The following PIK3CG variants were observed in gnomAD, a reference collection of about 807,000 sequenced individuals.
PIK3CG encodes the protein phosphatidylinositol 4,5-bisphosphate 3-kinase catalytic subunit gamma isoform.
PIK3CG carries 55 observed loss-of-function variants against 102.3 expected under a neutral mutation model. The observed-to-expected ratio is 0.54, with a 90% confidence interval of 0.43 to 0.67. PIK3CG has a LOEUF of 0.67. Among genes scored for constraint, PIK3CG ranks in the 30% least tolerant of loss-of-function variants. The pLI is 0.00. For synonymous variants in PIK3CG, 552 were observed against 540.0 expected (o/e 1.02, Z -0.31); for missense variants, 1,258 against 1,391.8 (o/e 0.90, Z 1.53).
rs183811155 is a variant in PIK3CG, at chr7:106,903,154, T to G, written c.3031-1955T>G. On this transcript the variant is annotated intron_variant, in intron 10 of 10. Coordinates refer to ENST00000496166, the MANE Select transcript of PIK3CG (RefSeq NM_001282426.2). This position sits in a 1 kb window ranked among gnomAD's most constrained non-coding sequence, Gnocchi z 4.3. ...CCCTTCTGTTCCACAAAATTCCTTGTCTTTTTGGGAGAAGACTACTTACTG... is the reference window on the plus strand; with the variant it reads ...CCCTTCTGTTCCACAAAATTCCTTGGCTTTTTGGGAGAAGACTACTTACTG... Among the ~76,000 whole-genome samples the G allele has an allele frequency of 6.6e-6, 1 of 152,294 alleles. No homozygotes were observed. The highest frequency in any genetic ancestry group is 6.5e-5 in the Admixed American group (1 of 15,298).
rs1791031078 is a variant in PIK3CG, at chr7:106,884,560, T to C, written c.2872+294T>C. 6.6e-6 allele frequency among the ~76,000 whole-genome samples: 1 copy of C among 152,054 alleles called. No individual in the cohort carries two copies. The highest frequency in any genetic ancestry group is 2.1e-4 in the South Asian group (1 of 4,826). ...TTTAGAAGTCATTGTGTAGGGACAC[T>C]GGTGCTTCAGTTACTCTAGAGCAGT... On this transcript the variant is annotated intron_variant, in intron 9 of 10. Coordinates refer to ENST00000496166, the MANE Select transcript of PIK3CG (RefSeq NM_001282426.2). The surrounding 1 kb of genome is among the most constrained non-coding windows in gnomAD (Gnocchi z 4.2).
intron 5 of PIK3CG, among the ~76,000 whole-genome samples, chr7:106,875,909 GT>G (rs559463107): frequency 2.4e-4 from 30 of 123,084 alleles, no homozygotes; most frequent in South Asian, 5.6e-4. Context: ...TTTTTTTTTT[GT>G]TTTTTTTTTT....
intron 10 of PIK3CG, among the ~76,000 whole-genome samples, chr7:106,901,929 A>G (rs886679745): frequency 9.2e-5 from 14 of 152,134 alleles, no homozygotes; most frequent in Non-Finnish European, 1.2e-4. Context: ...TGGCTCCCCC[A>G]TGTTAACTCC....
rs2116545129 is a variant in PIK3CG at position 106,883,110 on chromosome 7, A to G, written c.2707A>G (p.Lys903Glu). 6.2e-7 allele frequency: 1 copy of G among 1,614,142 alleles called. No individual in the cohort carries two copies. Among genetic ancestry groups the G allele is most frequent in the Non-Finnish European group, 8.5e-7 (1 of 1,179,990 alleles). ...QSTVGNTGAF[K>E]DEVLNHWLKE... ...CACAGTGGGCAACACGGGAGCATTT[A>G]AAGATGAAGTCCTGAATCACTGGCT... Residue 903 changes from lysine (K) to glutamate (E), a missense_variant, in exon 8 of 11, where the codon AAA (lysine) becomes GAA (glutamate). Around this residue, in one of 2 missense-constraint regions of PIK3CG, gnomAD observed 426 missense variants for 604.2 expected, o/e 0.71. Coordinates refer to ENST00000496166, the MANE Select transcript of PIK3CG (RefSeq NM_001282426.2). The surrounding 1 kb of genome is among the most constrained non-coding windows in gnomAD (Gnocchi z 5.8).
chr7:106,867,257 T>C lies in PIK3CG; in HGVS notation c.-12-293T>C, dbSNP rs550499444. ...CCCATATTGAACAAGTATTACTTTA[T>C]TTAACTCTCCCTCTGGGGCATTCAT... is the stretch of plus-strand genomic sequence containing the variant. On this transcript the variant is annotated intron_variant, in intron 1 of 10. Transcript: ENST00000496166. The surrounding 1 kb of genome is among the most constrained non-coding windows in gnomAD (Gnocchi z 5.1). Among the ~76,000 whole-genome samples the C allele has an allele frequency of 1.1e-3, 169 of 152,280 alleles. 1 individual carries two copies. Among genetic ancestry groups the C allele is most frequent in the Middle Eastern group, 3.4e-3 (1 of 294 alleles).
Position 106,868,057 on chromosome 7 carries a change from AG to A in PIK3CG, c.497del (p.Ser166ThrfsTer16). On this transcript the variant is annotated frameshift_variant, in exon 2 of 11. Coordinates refer to ENST00000496166, the MANE Select transcript of PIK3CG (RefSeq NM_001282426.2). LOFTEE classifies it high-confidence loss of function. The surrounding 1 kb of genome is among the most constrained non-coding windows in gnomAD (Gnocchi z 6.2). Reference sequence around the variant, plus strand: ...GATTGGCTATGACGTCACTGACGTCAGCAACGTGCACGACGATGAGCTGGAG... The same window carrying A: ...GATTGGCTATGACGTCACTGACGTCACAACGTGCACGACGATGAGCTGGAG... ...ALIGYDVTDV[S>X]NVHDDELEFT... The A allele has an allele frequency of 6.2e-7, 1 of 1,612,948 alleles. No homozygotes were observed. The highest frequency in any genetic ancestry group is 8.5e-7 in the Non-Finnish European group (1 of 1,179,358).
At position 106,872,575 on chromosome 7, in the gene PIK3CG, C is replaced by T. The variant is rs1790570601; in HGVS notation, c.2034C>T (p.Ala678=). 1 of 1,613,950 alleles carries T rather than the reference C, an allele frequency of 6.2e-7. No homozygotes were observed. The change falls in exon 3 of 11, where the codon GCC becomes GCT. Residue 678 remains alanine (A), a synonymous_variant. Coordinates refer to ENST00000496166, the MANE Select transcript of PIK3CG (RefSeq NM_001282426.2). The surrounding 1 kb of genome is among the most constrained non-coding windows in gnomAD (Gnocchi z 5.3). ...AACCATACCATGATAGCGCCCTTGC[C>T]AGATTTCTGCTGAAGCGTGGTTTAA... ...KFEPYHDSAL[A]RFLLKRGLRN...
Position 106,883,812 on chromosome 7 carries a change from C to T in PIK3CG, c.2761-343C>T, listed in dbSNP as rs187019998. 2.1e-3 allele frequency among the ~76,000 whole-genome samples: 321 copies of T among 152,244 alleles called. 1 individual carries two copies. Among genetic ancestry groups the T allele is most frequent in the Non-Finnish European group, 2.0e-3 (136 of 68,014 alleles). On this transcript the variant is annotated intron_variant, in intron 8 of 10. Coordinates refer to ENST00000496166, the MANE Select transcript of PIK3CG (RefSeq NM_001282426.2). This position sits in a 1 kb window ranked among gnomAD's most constrained non-coding sequence, Gnocchi z 5.8. The stretch of plus-strand genomic sequence containing the variant: ...AACCCAAGCATACTCTTAGTGGTCA[C>T]AAGCAAAACATGTTCACAAATGAAG...
rs370034420 is a variant in PIK3CG at position 106,879,582 on chromosome 7, G to T, written c.2455G>T (p.Asp819Tyr). The T allele has an allele frequency of 6.2e-7, 1 of 1,612,518 alleles. No homozygotes were observed. Among genetic ancestry groups the T allele is most frequent in the Non-Finnish European group, 8.5e-7 (1 of 1,178,628 alleles). ...KPLWLEFKCA[D>Y]PTALSNETIG... Reference sequence around the variant, plus strand: ...ACTATGGCTTGAGTTTAAATGTGCCGATCCTACAGCCCTATCAAATGAAAC... The same window carrying T: ...ACTATGGCTTGAGTTTAAATGTGCCTATCCTACAGCCCTATCAAATGAAAC... The change falls in exon 6 of 11, where the codon GAT becomes TAT. Residue 819 changes from aspartate (D) to tyrosine (Y), a missense_variant. This residue lies in a region of PIK3CG where 426 missense variants were observed against 604.2 expected (regional missense o/e 0.71). Transcript: ENST00000496166. The surrounding 1 kb of genome is among the most constrained non-coding windows in gnomAD (Gnocchi z 4.9).
At chr7:106,882,601 A>G (rs906895967) in intron 7 of PIK3CG, 2 of 174,918 alleles carry the variant, frequency 1.1e-5, no homozygotes, top group Non-Finnish European at 2.4e-5. Context: ...ACACTCTACT[A>G]TCAGGTATTT....
At position 106,895,469 on chromosome 7, in the gene PIK3CG, G is replaced by A. The variant is rs1791383886; in HGVS notation, c.3030+9177G>A. Among the ~76,000 whole-genome samples, 2 of 152,196 alleles carry A rather than the reference G, an allele frequency of 1.3e-5. No individual in the cohort carries two copies. Among genetic ancestry groups the A allele is most frequent in the Admixed American group, 1.3e-4 (2 of 15,274 alleles). On this transcript the variant is annotated intron_variant, in intron 10 of 10. Coordinates refer to ENST00000496166, the MANE Select transcript of PIK3CG (RefSeq NM_001282426.2). The surrounding 1 kb of genome is among the most constrained non-coding windows in gnomAD (Gnocchi z 5.4). ...GACTGAGCGGGCAGGGCAGGTGCTC[G>A]GCTGTGCCCCCCAGGGTGAGAGAAC...
In PIK3CG at chr7:106,906,362, G is replaced by T. The variant is rs945741714; in HGVS notation, c.*975G>T. The T allele has an allele frequency of 1.8e-5, 4 of 228,090 alleles. No individual in the cohort carries two copies. Among genetic ancestry groups the T allele is most frequent in the African/African-American group, 8.9e-5 (4 of 44,952 alleles). The allele number at this position is 228,090 out of a possible 1,614,324, so 14.1% of individuals were successfully genotyped here. ...AGATGTTTAGTGACTTTTTTTTCAA[G>T]TATCTTATTAAAGGAGGCATTCTAG... On this transcript the variant is annotated 3_prime_UTR_variant, in exon 11 of 11. Coordinates refer to ENST00000496166, the MANE Select transcript of PIK3CG (RefSeq NM_001282426.2).
chr7:106,876,094 T>G (rs1790726874), intron 5 of PIK3CG, among the ~76,000 whole-genome samples: 2 of 150,450 alleles, frequency 1.3e-5, no homozygotes, highest in Non-Finnish European at 1.5e-5. Context: ...TTTTGTATTT[T>G]TAGTAGAGAC....
In PIK3CG at chr7:106,868,949, A is replaced by G. The variant is rs767370252; in HGVS notation, c.1388A>G (p.Tyr463Cys). ...AAGGGCAAAGTTCAGCTTCTCTATT[A>G]TGTGAACCTGCTGCTGATAGACCAC... ...ESKGKVQLLY[Y>C]VNLLLIDHRF... Residue 463 changes from tyrosine (Y) to cysteine (C), a missense_variant, in exon 2 of 11, where the codon TAT (tyrosine) becomes TGT (cysteine). By Grantham distance (194) the Tyr-to-Cys change is radical. Around this residue, in one of 2 missense-constraint regions of PIK3CG, gnomAD observed 832 missense variants for 787.5 expected, o/e 1.06. Transcript: ENST00000496166. This position sits in a 1 kb window ranked among gnomAD's most constrained non-coding sequence, Gnocchi z 6.2. 6.2e-7 allele frequency: 1 copy of G among 1,614,146 alleles called. No individual in the cohort carries two copies. The highest frequency in any genetic ancestry group is 8.5e-7 in the Non-Finnish European group (1 of 1,180,016).
Position 106,907,091 on chromosome 7 carries a change from A to G in PIK3CG, c.*1704A>G, listed in dbSNP as rs575727394. 2.0e-5 allele frequency: 4 copies of G among 195,778 alleles called. No homozygotes were observed. The South Asian group carries it at 7.7e-4, about 38-fold the overall frequency. 12.1% of individuals were successfully genotyped at this position (195,778 alleles called of 1,614,324 possible). A position where few individuals can be genotyped will look rare whatever the true frequency, so the allele number is the denominator to read the frequency against. On this transcript the variant is annotated 3_prime_UTR_variant, in exon 11 of 11. Coordinates refer to ENST00000496166, the MANE Select transcript of PIK3CG (RefSeq NM_001282426.2). ...AGTCATGATCATGTCCTTACACTCC[A>G]GCCTGGATAACAGAGCGAGACCCTG...
At position 106,893,193 on chromosome 7, in the gene PIK3CG, C is replaced by T. The variant is rs908863789; in HGVS notation, c.3030+6901C>T. Among the ~76,000 whole-genome samples, 4 of 152,170 alleles carry T rather than the reference C, an allele frequency of 2.6e-5. No homozygotes were observed. Among genetic ancestry groups the T allele is most frequent in the Non-Finnish European group, 2.9e-5 (2 of 68,046 alleles). ...CTGATAAAGGATTCCGTCTTGGGAT[C>T]TGCACCCCGACCCACTGACTAGGCC... On this transcript the variant is annotated intron_variant, in intron 10 of 10. Coordinates refer to ENST00000496166, the MANE Select transcript of PIK3CG (RefSeq NM_001282426.2). The surrounding 1 kb of genome is among the most constrained non-coding windows in gnomAD (Gnocchi z 4.4).
At chr7:106,882,466 A>G (rs939859590) in intron 7 of PIK3CG, 1 of 282,064 alleles carries the variant, frequency 3.5e-6, no homozygotes, top group Non-Finnish European at 6.5e-6. Context: ...TTCCTTCTCC[A>G]TCTCTAAACT....
At chr7:106,882,596 C>G (rs1684793985) in intron 7 of PIK3CG, 1 of 175,340 alleles carries the variant, frequency 5.7e-6, no homozygotes, top group African/African-American at 2.4e-5. Flanking sequence ...ATTACACACT[C>G]TACTATCAGG....
In PIK3CG at chr7:106,868,570, G is replaced by A. The variant is rs2116444079; in HGVS notation, c.1009G>A (p.Glu337Lys). The A allele has an allele frequency of 1.2e-6, 2 of 1,614,166 alleles. No individual in the cohort carries two copies. Among genetic ancestry groups the A allele is most frequent in the South Asian group, 1.1e-5 (1 of 91,080 alleles). ...CTGCACGGGAGTCACCGGCTACCAT[G>A]AGCAGCTTACCATCCACGGCAAGGA... ...DDCTGVTGYH[E>K]QLTIHGKDHE... The change falls in exon 2 of 11, where the codon GAG (glutamate) becomes AAG (lysine). Residue 337 changes from glutamate (E) to lysine (K), a missense_variant. Glu to Lys is a moderately conservative substitution (Grantham distance 56). This residue lies in a region of PIK3CG where 832 missense variants were observed against 787.5 expected (regional missense o/e 1.06). Transcript: ENST00000496166. The surrounding 1 kb of genome is among the most constrained non-coding windows in gnomAD (Gnocchi z 6.2).
Sources: gnomAD v4.1 joint callset for allele counts (sites outside exome capture counted in the v4.1 genomes callset) on GRCh38, gnomAD v4.1.1 for gene constraint, gnomAD v4.1.1 regional missense constraint, Gnocchi (gnomAD v3.1) non-coding constraint, MANE v1.5 for transcripts, NCBI Gene and HGNC (gene_info 2026-07-23, HGNC 2026-07-21) for gene names.